Variants in OPCML observed in about 807,000 individuals in gnomAD.
OPCML encodes the protein opioid-binding protein/cell adhesion molecule.
A neutral mutation model predicts 37.8 loss-of-function variants in OPCML; 13 were observed. The observed-to-expected ratio is 0.34, with a 90% CI of 0.22 to 0.55. The LOEUF is 0.55. Ranked by LOEUF, OPCML falls within the 20% of genes least tolerant of loss-of-function variation. OPCML has a pLI of 0.91. For synonymous variants in OPCML, 176 were observed against 168.8 expected (o/e 1.04, Z -0.33); for missense variants, 341 against 435.6 (o/e 0.78, Z 1.93).
chr11:133,332,138 T>C (rs1943633275), intron 1 of OPCML, among the ~76,000 whole-genome samples: 1 of 152,192 alleles, frequency 6.6e-6, no homozygotes, highest in African/African-American at 2.4e-5. Flanking sequence ...TGTAGAGACC[T>C]ATCATCTCCC....
chr11:133,182,793 C>T (rs553445940), intron 1 of OPCML, among the ~76,000 whole-genome samples: 85 of 152,262 alleles, frequency 5.6e-4, no homozygotes, highest in Admixed American at 1.4e-3. Flanking sequence ...CCCAGGAACG[C>T]GGTGGTGCTG....
Position 132,568,024 on chromosome 11 carries a change from C to CTGTG in OPCML, c.380-38842_380-38839dup, listed in dbSNP as rs549824512. 3.4e-4 allele frequency among the ~76,000 whole-genome samples: 51 copies of CTGTG among 147,976 alleles called. No homozygotes were observed. In the East Asian group the frequency reaches 8.2e-3, roughly 24 times the overall value. ...AAAGGGGTCCCTGGACCGAATAGATCTGTGTGTGTGTGTGTGTGCGCGCGC... is the reference window on the plus strand; with the variant it reads ...AAAGGGGTCCCTGGACCGAATAGATCTGTGTGTGTGTGTGTGTGTGTGCGCGCGC... On this transcript the variant is annotated intron_variant, in intron 3 of 7. Coordinates refer to ENST00000524381, the MANE Select transcript of OPCML (RefSeq NM_001012393.5).
At chr11:133,422,792 A>C (rs887144503) in intron 1 of OPCML, 1 of 898,494 alleles carries the variant, frequency 1.1e-6, no homozygotes, top group Non-Finnish European at 1.3e-6. Context: ...TTTATATTAC[A>C]AAATAAAAGA....
In OPCML at chr11:133,208,130, T is replaced by C. The variant is rs568001006; in HGVS notation, c.62-265120A>G. On this transcript the variant is annotated intron_variant, in intron 1 of 7. Transcript: ENST00000524381. The surrounding 1 kb of genome is among the most constrained non-coding windows in gnomAD (Gnocchi z 8.9). ...ACCATGATTTATTGTAATAGCTTAT[T>C]TAGCTGTTGGTCTTCCTTACTGTAT... 6.9e-4 allele frequency among the ~76,000 whole-genome samples: 105 copies of C among 152,330 alleles called. No homozygotes were observed. The South Asian group carries it at 0.022, about 31-fold the overall frequency.
chr11:133,143,362 A>G (rs2137171896), intron 1 of OPCML, among the ~76,000 whole-genome samples: 1 of 152,284 alleles, frequency 6.6e-6, no homozygotes, highest in African/African-American at 2.4e-5. Context: ...GGGTGAGGCC[A>G]TGTCCTCTCC....
intron 1 of OPCML, among the ~76,000 whole-genome samples, chr11:133,113,515 C>CCACTG (rs1436170688): frequency 6.6e-6 from 1 of 152,178 alleles, no homozygotes; most frequent in African/African-American, 2.4e-5. Context: ...TGCCACTAAG[C>CCACTG]TGAACGCTTA....
intron 2 of OPCML, among the ~76,000 whole-genome samples, chr11:132,851,474 G>A (rs905112992): frequency 6.6e-6 from 1 of 152,048 alleles, no homozygotes; most frequent in Non-Finnish European, 1.5e-5. Context: ...CTTCCCCTAG[G>A]TTCCTCCCAA....
chr11:133,409,664 T>C (rs993410864), intron 1 of OPCML, among the ~76,000 whole-genome samples: 1 of 152,152 alleles, frequency 6.6e-6, no homozygotes. Flanking sequence ...GTCTCATAGA[T>C]ACTAGTAGGT....
At chr11:133,281,131 T>G (rs78136849) in intron 1 of OPCML, among the ~76,000 whole-genome samples, 1 of 152,080 alleles carries the variant, frequency 6.6e-6, no homozygotes, top group Non-Finnish European at 1.5e-5. Flanking sequence ...TTTGGAAGCT[T>G]GGAAAGGGGG....
intron 2 of OPCML, among the ~76,000 whole-genome samples, chr11:132,830,577 T>C (rs1360674452): frequency 7.2e-5 from 11 of 152,196 alleles, no homozygotes; most frequent in Admixed American, 6.5e-4. Context: ...CCTCTGCAAA[T>C]ATCAGAATCT....
intron 4 of OPCML, among the ~76,000 whole-genome samples, chr11:132,441,458 G>A (rs1414422029): frequency 1.3e-5 from 2 of 152,058 alleles, no homozygotes; most frequent in Non-Finnish European, 2.9e-5. Flanking sequence ...GTGAGCCACC[G>A]CGCCCGGCCC....
chr11:133,043,184 G>A (rs907494888), intron 1 of OPCML, among the ~76,000 whole-genome samples: 1 of 152,130 alleles, frequency 6.6e-6, no homozygotes, highest in Non-Finnish European at 1.5e-5. Context: ...TATTACCAGG[G>A]TGGATGCAAG....
intron 2 of OPCML, among the ~76,000 whole-genome samples, chr11:132,911,843 G>A (rs1313386691): frequency 1.3e-5 from 2 of 152,186 alleles, no homozygotes; most frequent in African/African-American, 2.4e-5. Context: ...GACTTGTCAG[G>A]CAGGTAATTC....
At chr11:133,156,848 A>C (rs1005847148) in intron 1 of OPCML, among the ~76,000 whole-genome samples, 83 of 152,134 alleles carry the variant, frequency 5.5e-4, no homozygotes, top group African/African-American at 1.8e-3. Flanking sequence ...GTTGCTGTAA[A>C]TGAATTGCCT....
intron 1 of OPCML, among the ~76,000 whole-genome samples, chr11:133,115,017 C>G (rs1488581096): frequency 1.3e-5 from 2 of 152,200 alleles, no homozygotes; most frequent in Non-Finnish European, 2.9e-5. Context: ...TCTTCAAACA[C>G]TGGATCATGT....
chr11:133,212,773 T>C lies in OPCML; in HGVS notation c.62-269763A>G, dbSNP rs1939418613. ...GAATGAAGGGATTTCCCAGCAGCTTTCAGACCCCTTGGGACCCAACCTGGC... is the reference window on the plus strand; with the variant it reads ...GAATGAAGGGATTTCCCAGCAGCTTCCAGACCCCTTGGGACCCAACCTGGC... On this transcript the variant is annotated intron_variant, in intron 1 of 7. Transcript: ENST00000524381. The surrounding 1 kb of genome is among the most constrained non-coding windows in gnomAD (Gnocchi z 4.9). 6.6e-6 allele frequency among the ~76,000 whole-genome samples: 1 copy of C among 152,198 alleles called. No individual in the cohort carries two copies. The highest frequency in any genetic ancestry group is 2.4e-5 in the African/African-American group (1 of 41,448).
intron 1 of OPCML, among the ~76,000 whole-genome samples, chr11:133,526,058 G>T (rs1948484057): frequency 6.6e-6 from 1 of 152,214 alleles, no homozygotes; most frequent in African/African-American, 2.4e-5. Context: ...ATGGTCCCCA[G>T]CCTCTCCGAA....
At chr11:132,960,331 T>C (rs1298820969) in intron 1 of OPCML, among the ~76,000 whole-genome samples, 1 of 152,190 alleles carries the variant, frequency 6.6e-6, no homozygotes, top group Non-Finnish European at 1.5e-5. Context: ...ATGGGAAGTT[T>C]GCTGTGCTTA....
At chr11:133,428,566 C>G in intron 1 of OPCML, among the ~76,000 whole-genome samples, 1 of 151,740 alleles carries the variant, frequency 6.6e-6, no homozygotes, top group Non-Finnish European at 1.5e-5. Flanking sequence ...AATAAAATAG[C>G]AACAATAGAA....
Sources: allele counts gnomAD v4.1 joint callset (sites outside exome capture counted in the v4.1 genomes callset), GRCh38; gene constraint gnomAD v4.1.1; non-coding constraint Gnocchi (gnomAD v3.1); transcripts MANE v1.5; gene names NCBI Gene and HGNC (gene_info 2026-07-23, HGNC 2026-07-21).